Variants in SMC6 observed in about 807,000 individuals in gnomAD.
SMC6 encodes the protein structural maintenance of chromosomes 6.
SMC6 carries 79 observed loss-of-function variants against 142.2 expected under a neutral mutation model. The ratio of observed to expected loss-of-function variants is 0.56; its 90% confidence interval spans 0.46 to 0.67. The LOEUF (loss-of-function observed/expected upper bound fraction) is 0.67, where lower values mean the gene tolerates loss of function less well. SMC6 is among the 30% of genes least tolerant of loss of function. The probability of loss-of-function intolerance (pLI) is 0.00; values close to 1 mark genes in which losing one functional copy is unlikely to be tolerated. For synonymous variants in SMC6, 411 were observed against 412.4 expected, an observed-to-expected ratio of 1.00 and a Z score of 0.04; for missense variants, 1,072 against 1,284.0, an observed-to-expected ratio of 0.83 and a Z score of 2.52.
At chr2:17,687,008 A>T (rs1667485685) in intron 23 of SMC6, among the ~76,000 whole-genome samples, 1 of 152,192 alleles carries the variant, frequency 6.6e-6, no homozygotes, top group Non-Finnish European at 1.5e-5. Context: ...TATCTCCAAG[A>T]TATCTCATCT....
intron 7 of SMC6, among the ~76,000 whole-genome samples, chr2:17,729,598 A>G (rs1669809947): frequency 6.6e-6 from 1 of 152,224 alleles, no homozygotes; most frequent in Non-Finnish European, 1.5e-5. Context: ...GTACTTATAC[A>G]GTATACTGAA....
chr2:17,729,218 G>C (rs1167366671), intron 7 of SMC6, among the ~76,000 whole-genome samples: 1 of 151,950 alleles, frequency 6.6e-6, no homozygotes, highest in Non-Finnish European at 1.5e-5. Context: ...AAATCTGCTG[G>C]GTATTTCACA....
intron 26 of SMC6, among the ~76,000 whole-genome samples, chr2:17,667,169 G>C (rs1266590576): frequency 1.3e-5 from 2 of 152,142 alleles, no homozygotes; most frequent in Non-Finnish European, 2.9e-5. Context: ...TACAGTAATG[G>C]TTAATGAGTC....
intron 5 of SMC6, among the ~76,000 whole-genome samples, chr2:17,733,540 G>T (rs75293938): frequency 6.6e-6 from 1 of 152,102 alleles, no homozygotes; most frequent in Non-Finnish European, 1.5e-5. Context: ...TTGGGTGAAG[G>T]ATATACAGAA....
At position 17,708,769 on chromosome 2, in the gene SMC6, A is replaced by G. The variant is rs1298567581; in HGVS notation, c.1731-16T>C. On this transcript the variant is annotated splice_polypyrimidine_tract_variant and intron_variant, in intron 16 of 27. Coordinates refer to ENST00000448223, the MANE Select transcript of SMC6 (RefSeq NM_001142286.2). Reference sequence around the variant, plus strand: ...ATAAGCAGCTCTAGGAGACAAAAATACAGAAGGATTAACTTAGCAAATTTT... The same window carrying G: ...ATAAGCAGCTCTAGGAGACAAAAATGCAGAAGGATTAACTTAGCAAATTTT... The G allele has an allele frequency of 7.2e-7, 1 of 1,394,556 alleles. No homozygotes were observed. 86.4% of individuals were successfully genotyped at this position (1,394,556 alleles called of 1,614,324 possible). A position where few individuals can be genotyped will look rare whatever the true frequency, so the allele number is the denominator to read the frequency against.
chr2:17,700,926 G>A (rs948521315), intron 20 of SMC6, among the ~76,000 whole-genome samples: 5 of 151,908 alleles, frequency 3.3e-5, no homozygotes, highest in African/African-American at 4.8e-5. Flanking sequence ...AGCTACTTGG[G>A]AGGTTGAGGC....
At chr2:17,740,896 C>T (rs780595430) in intron 4 of SMC6, 7 of 274,130 alleles carry the variant, frequency 2.6e-5, no homozygotes, top group Non-Finnish European at 5.0e-5. Context: ...AACCACCAAA[C>T]AACAAACAAA....
chr2:17,679,010 T>C, intron 24 of SMC6, 46 bp from the exon 25 acceptor site: 1 of 1,336,758 alleles, frequency 7.5e-7, no homozygotes. Flanking sequence ...GCAAAGGTTT[T>C]TTAAAAACTA....
chr2:17,706,410 T>C (rs1668510705), intron 18 of SMC6, among the ~76,000 whole-genome samples: 1 of 152,210 alleles, frequency 6.6e-6, no homozygotes, highest in Non-Finnish European at 1.5e-5. Flanking sequence ...CCATTATGGT[T>C]ATTTTCCTTT....
chr2:17,714,784 T>C lies in SMC6; in HGVS notation c.1730+77A>G, dbSNP rs1668997422. ...TCAGTGGTAAAGATATGATTAACAT[T>C]AAAAGTGTTTTAACTCTTTCCAATC... On this transcript the variant is annotated intron_variant, in intron 16 of 27. Coordinates refer to ENST00000448223, the MANE Select transcript of SMC6 (RefSeq NM_001142286.2). 2.0e-5 allele frequency: 28 copies of C among 1,405,914 alleles called. No homozygotes were observed. The South Asian group carries it at 3.1e-4, about 16-fold the overall frequency. 87.1% of individuals were successfully genotyped at this position (1,405,914 alleles called of 1,614,324 possible). A position where few individuals can be genotyped will look rare whatever the true frequency, so the allele number is the denominator to read the frequency against.
intron 23 of SMC6, among the ~76,000 whole-genome samples, chr2:17,688,271 G>A (rs1350307275): frequency 2.0e-5 from 3 of 149,744 alleles, no homozygotes; most frequent in Non-Finnish European, 4.4e-5. Context: ...GGTATAGAAT[G>A]AGCTTGAAAT....
At chr2:17,740,864 C>A (rs28758291) in intron 4 of SMC6, 65,065 of 185,868 alleles carry the variant, frequency 0.35, 11,960 homozygotes, top group African/African-American at 0.6. Flanking sequence ...AAACAAAAAA[C>A]AAAAAAACAA....
intron 3 of SMC6, 150 bp downstream of exon 3, chr2:17,745,677 T>A: frequency 1.4e-6 from 1 of 703,932 alleles, no homozygotes; most frequent in Non-Finnish European, 2.1e-6. Flanking sequence ...ATAATTAACA[T>A]AAGCTTCAAA....
At chr2:17,713,252 C>A in intron 16 of SMC6, 1 of 313,592 alleles carries the variant, frequency 3.2e-6, no homozygotes, top group Non-Finnish European at 6.3e-6. Flanking sequence ...ATCCTGCAGC[C>A]ACTAGGCTTT....
chr2:17,714,564 C>T (rs773604088), intron 16 of SMC6, among the ~76,000 whole-genome samples: 1 of 152,138 alleles, frequency 6.6e-6, no homozygotes, highest in Non-Finnish European at 1.5e-5. Flanking sequence ...AATGTTCTTC[C>T]TCAGGCCCCT....
At chr2:17,738,761 T>G (rs1471445505) in intron 4 of SMC6, among the ~76,000 whole-genome samples, 2 of 152,200 alleles carry the variant, frequency 1.3e-5, no homozygotes, top group African/African-American at 4.8e-5. Context: ...CAAGCTATCC[T>G]CCTGCCTCAG....
At chr2:17,720,871 T>A in intron 11 of SMC6, 69 bp downstream of exon 11, 5 of 1,328,870 alleles carry the variant, frequency 3.8e-6, no homozygotes, top group Non-Finnish European at 5.3e-6. Context: ...TGGTGGGTCA[T>A]AAATAGTCTA....
intron 11 of SMC6, among the ~76,000 whole-genome samples, chr2:17,719,562 A>G (rs1012114678): frequency 6.6e-6 from 1 of 152,228 alleles, no homozygotes; most frequent in African/African-American, 2.4e-5. Context: ...GTGAGCATCT[A>G]TTACGCAGAC....
chr2:17,716,934 T>C (rs374356657), intron 13 of SMC6, 29 bp from the exon 14 acceptor site: 97 of 1,581,610 alleles, frequency 6.1e-5, no homozygotes, highest in Middle Eastern at 1.7e-4. Flanking sequence ...AAGTGAAAAA[T>C]GTTAGTTCAA....
Sources: allele counts gnomAD v4.1 joint callset (sites outside exome capture counted in the v4.1 genomes callset), GRCh38; gene constraint gnomAD v4.1.1; transcripts MANE v1.5; gene names NCBI Gene and HGNC (gene_info 2026-07-23, HGNC 2026-07-21).